The following NR1H3 variants were observed in gnomAD, a reference collection of about 807,000 sequenced individuals.
NR1H3 encodes nuclear receptor subfamily 1 group H member 3, also known as oxysterols receptor LXR-alpha.
Under a neutral mutation model 48.1 loss-of-function variants are expected in NR1H3, and 19 were observed. The observed-to-expected ratio is 0.40, with a 90% CI of 0.28 to 0.58. The LOEUF is 0.58. Among genes scored for constraint, NR1H3 ranks in the 20% least tolerant of loss-of-function variants. NR1H3 has a pLI of 0.50. For synonymous variants in NR1H3, 232 were observed against 227.3 expected (o/e 1.02, Z -0.19); for missense variants, 486 against 595.9 (o/e 0.82, Z 1.92).
At chr11:47,267,223 C>T (rs1352339480) in intron 7 of NR1H3, among the ~76,000 whole-genome samples, 2 of 152,080 alleles carry the variant, frequency 1.3e-5, no homozygotes, top group Non-Finnish European at 2.9e-5. Context: ...AGGAGGATGG[C>T]TTGCACCCGG....
chr11:47,267,616 C>G (rs1307141720), intron 7 of NR1H3, among the ~76,000 whole-genome samples: 3 of 151,974 alleles, frequency 2.0e-5, no homozygotes, highest in African/African-American at 7.2e-5. Context: ...TCAAGCAATT[C>G]TCCTGCCTCA....
intron 2 of NR1H3, 195 bp from the exon 3 acceptor site, chr11:47,259,596 G>A: frequency 1.4e-6 from 2 of 1,451,546 alleles, no homozygotes; most frequent in Non-Finnish European, 1.8e-6. Context: ...CTTCATTTAA[G>A]GTCCTGAGAT....
chr11:47,253,144 T>TGTGTG (rs1554980530), upstream of NR1H3, among the ~76,000 whole-genome samples: 2 of 151,606 alleles, frequency 1.3e-5, no homozygotes, highest in East Asian at 1.9e-4. Flanking sequence ...CGTGTGTGTG[T>TGTGTG]TTTCTGTAAA....
At chr11:47,255,591 TTCTTTCTC>T (rs1378453557), upstream of NR1H3, among the ~76,000 whole-genome samples, 60 of 59,454 alleles carry the variant, frequency 1.0e-3, no homozygotes, top group Admixed American at 4.4e-3. Context: ...CTTTCTTTCT[TTCTTTCTC>T]TCTCTCTCTC....
At position 47,268,342 on chromosome 11, in the gene NR1H3, T is replaced by A; in HGVS notation, c.1184T>A (p.Ile395Asn). 1 of 1,614,046 alleles carries A rather than the reference T, an allele frequency of 6.2e-7. No homozygotes were observed. Among genetic ancestry groups the A allele is most frequent in the Non-Finnish European group, 8.5e-7 (1 of 1,179,974 alleles). Reference protein sequence around the residue: ...YVEALHAYVSIHHPHDRLMFP... With the variant: ...YVEALHAYVSNHHPHDRLMFP... Reference sequence around the variant, plus strand: ...GAAGCCCTGCATGCCTACGTCTCCATCCACCATCCCCATGTGAGTCTCCCC... The same window carrying A: ...GAAGCCCTGCATGCCTACGTCTCCAACCACCATCCCCATGTGAGTCTCCCC... The change falls in exon 9 of 10, where the codon ATC becomes AAC. Residue 395 changes from isoleucine to asparagine, a missense_variant. By Grantham distance (149) the Ile-to-Asn change is moderately radical. Coordinates refer to ENST00000441012, the MANE Select transcript of NR1H3 (RefSeq NM_005693.4).
At chr11:47,248,798 T>A, upstream of NR1H3, 1 of 1,584,148 alleles carries the variant, frequency 6.3e-7, no homozygotes, top group Non-Finnish European at 8.6e-7. Context: ...ATCACCGTTG[T>A]AATCTATGCA....
intron 9 of NR1H3, 42 bp from the exon 10 acceptor site, chr11:47,268,508 G>T (rs1183159896): frequency 1.2e-6 from 2 of 1,613,230 alleles, no homozygotes; most frequent in Non-Finnish European, 1.7e-6. Context: ...CCGCTTCCCT[G>T]GGGACAGGCA....
rs140980004 is a variant in NR1H3, at chr11:47,262,498, C to T, written c.988+480C>T. Reference sequence around the variant, plus strand: ...ACAGGCGTGAGCCACCCACCATGCCCGGCCAAGTACTTTTTTTTTGTTTCA... The same window carrying T: ...ACAGGCGTGAGCCACCCACCATGCCTGGCCAAGTACTTTTTTTTTGTTTCA... On this transcript the variant is annotated intron_variant, in intron 7 of 9. Transcript: ENST00000441012. Among the ~76,000 whole-genome samples the T allele has an allele frequency of 1.9e-3, 289 of 151,790 alleles. 1 individual carries two copies. Among genetic ancestry groups the T allele is most frequent in the African/African-American group, 6.0e-3 (250 of 41,410 alleles).
chr11:47,267,601 C>T (rs570758219), intron 7 of NR1H3, among the ~76,000 whole-genome samples: 6 of 152,024 alleles, frequency 3.9e-5, no homozygotes, highest in Admixed American at 6.6e-5. Flanking sequence ...CTCTGCCTCC[C>T]GTGTTCAAGC....
intron 7 of NR1H3, among the ~76,000 whole-genome samples, chr11:47,264,426 C>A (rs1475887449): frequency 6.6e-6 from 1 of 152,332 alleles, no homozygotes; most frequent in South Asian, 2.1e-4. Flanking sequence ...TATGTTGGCA[C>A]CTTTTGCCTT....
At chr11:47,267,767 C>T (rs911624238) in intron 7 of NR1H3, 146 bp from the exon 8 acceptor site, 2 of 635,392 alleles carry the variant, frequency 3.1e-6, no homozygotes, top group East Asian at 2.8e-5. Flanking sequence ...CCTCAGCCTC[C>T]GAAAGTGCTG....
upstream of NR1H3, chr11:47,257,713 G>T: frequency 1.0e-6 from 1 of 985,604 alleles, no homozygotes; most frequent in Non-Finnish European, 1.2e-6. Context: ...CAGTCCTTTT[G>T]CAAGAGCTGC....
Position 47,259,913 on chromosome 11 carries a change from G to A in NR1H3, c.166G>A (p.Val56Met). ...MPHSAGGTAGVGLEAAEPTAL... is the reference protein window; with the variant it reads ...MPHSAGGTAGMGLEAAEPTAL... ...CCACTCTGCTGGGGGTACTGCAGGG[G>A]TGGGGCTGGAGGCTGCAGAGCCCAC... Residue 56 changes from valine to methionine, a missense_variant, in exon 3 of 10, where the codon GTG becomes ATG. By Grantham distance (21) the Val-to-Met change is conservative. Transcript: ENST00000441012. 2.5e-6 allele frequency: 4 copies of A among 1,610,414 alleles called. No individual in the cohort carries two copies. The highest frequency in any genetic ancestry group is 3.5e-4 in the Middle Eastern group (2 of 5,758).
chr11:47,253,144 T>TGTGTGTGTGTGTGTG (rs1554980530), upstream of NR1H3, among the ~76,000 whole-genome samples: 2 of 151,494 alleles, frequency 1.3e-5, no homozygotes, highest in Non-Finnish European at 1.5e-5. Context: ...CGTGTGTGTG[T>TGTGTGTGTGTGTGTG]TTTCTGTAAA....
chr11:47,267,959 C>A lies in NR1H3; in HGVS notation c.1035C>A (p.Ala345=). 6.2e-7 allele frequency: 1 copy of A among 1,614,112 alleles called. No homozygotes were observed. ...ACCCCATCTTCGAGTTCTCCAGGGC[C>A]ATGAATGAGCTGCAACTCAATGATG... The part of the protein sequence containing the change: ...FINPIFEFSR[A]MNELQLNDAE... Residue 345 remains alanine, a synonymous_variant, in exon 8 of 10, where the codon GCC becomes GCA. Transcript: ENST00000441012.
At chr11:47,248,816 A>C (rs1265520119), upstream of NR1H3, 4 of 1,566,538 alleles carry the variant, frequency 2.6e-6, no homozygotes, top group Non-Finnish European at 1.7e-6. Context: ...GCAGCAAACA[A>C]GCTGGAACCC....
chr11:47,259,737 C>A, intron 2 of NR1H3, 54 bp from the exon 3 acceptor site: 2 of 1,607,678 alleles, frequency 1.2e-6, no homozygotes, highest in Non-Finnish European at 1.7e-6. Context: ...GACGCTGGGC[C>A]GTGGAGCCGG....
chr11:47,256,890 C>T (rs1187923335), upstream of NR1H3, among the ~76,000 whole-genome samples: 2 of 151,780 alleles, frequency 1.3e-5, no homozygotes, highest in Non-Finnish European at 2.9e-5. Context: ...GCCACCATGC[C>T]CGGCTAATTT....
rs761689554 is a variant in NR1H3 at position 47,261,913 on chromosome 11, G to A, written c.889-6G>A. Reference sequence around the variant, plus strand: ...TCCCCGTTTGAGGTTTGCTGCTTGTGTGCAGGTGATGCTTCTGGAGACATC... The same window carrying A: ...TCCCCGTTTGAGGTTTGCTGCTTGTATGCAGGTGATGCTTCTGGAGACATC... On this transcript the variant is annotated splice_polypyrimidine_tract_variant and splice_region_variant and intron_variant, in intron 6 of 9. Coordinates refer to ENST00000441012, the MANE Select transcript of NR1H3 (RefSeq NM_005693.4). 1.2e-6 allele frequency: 2 copies of A among 1,613,476 alleles called. No individual in the cohort carries two copies. The highest frequency in any genetic ancestry group is 2.2e-5 in the East Asian group (1 of 44,868).
Sources: gnomAD v4.1 joint callset for allele counts (sites outside exome capture counted in the v4.1 genomes callset) on GRCh38, gnomAD v4.1.1 for gene constraint, MANE v1.5 for transcripts, NCBI Gene and HGNC (gene_info 2026-07-23, HGNC 2026-07-21) for gene names.